Variants in PDE1A observed in about 807,000 individuals in gnomAD.
PDE1A encodes the protein dual specificity calcium/calmodulin-dependent 3',5'-cyclic nucleotide phosphodiesterase 1A.
PDE1A carries 35 observed loss-of-function variants against 61.7 expected under a neutral mutation model. That is an observed-to-expected ratio of 0.57 (90% CI 0.43 to 0.75). The LOEUF is 0.75. PDE1A is among the 30% of genes least tolerant of loss of function. The pLI, the probability that PDE1A is intolerant of heterozygous loss-of-function variation, is 0.00. For synonymous variants in PDE1A, 232 were observed against 213.2 expected (o/e 1.09, Z -0.77); for missense variants, 597 against 630.6 (o/e 0.95, Z 0.57).
At chr2:182,272,598 A>C (rs2125821695) in intron 1 of PDE1A, among the ~76,000 whole-genome samples, 1 of 152,310 alleles carries the variant, frequency 6.6e-6, no homozygotes, top group East Asian at 1.9e-4. Flanking sequence ...AAGACAGGTA[A>C]GTTGGGAAGG....
intron 2 of PDE1A, among the ~76,000 whole-genome samples, chr2:182,497,745 A>C (rs1422495142): frequency 6.6e-6 from 1 of 152,080 alleles, no homozygotes; most frequent in South Asian, 2.1e-4. Flanking sequence ...CCACCCAATT[A>C]AAAGACAGAG....
intron 2 of PDE1A, among the ~76,000 whole-genome samples, chr2:182,449,107 T>A (rs1685342123): frequency 6.9e-6 from 1 of 145,706 alleles, no homozygotes; most frequent in Non-Finnish European, 1.5e-5. Flanking sequence ...AGGAAATCCT[T>A]CTAAATCTTC....
At chr2:182,597,762 A>C in the PDE1A span, among the ~76,000 whole-genome samples, 5 of 152,354 alleles carry the variant, frequency 3.3e-5, no homozygotes, top group African/African-American at 1.2e-4. Context: ...AAATGACGCA[A>C]CCTTCAATAT....
intron 1 of PDE1A, among the ~76,000 whole-genome samples, chr2:182,267,619 T>C (rs1410745201): frequency 6.6e-6 from 1 of 152,188 alleles, no homozygotes; most frequent in Non-Finnish European, 1.5e-5. Context: ...GTAAAAATAT[T>C]ATTTACAACT....
At chr2:182,408,316 C>G (rs73045419) in intron 1 of PDE1A, among the ~76,000 whole-genome samples, 18,569 of 151,956 alleles carry the variant, frequency 0.12, 1,866 homozygotes, top group African/African-American at 0.28. Flanking sequence ...ATGTGGTTTT[C>G]AATCTTGGCT....
At chr2:182,648,757 T>TA in the PDE1A span, among the ~76,000 whole-genome samples, 2 of 151,050 alleles carry the variant, frequency 1.3e-5, no homozygotes, top group African/African-American at 4.9e-5. Context: ...TTGCAATTAA[T>TA]TTAAATAAAC....
chr2:182,313,438 G>T (rs190740337), intron 1 of PDE1A, among the ~76,000 whole-genome samples: 1 of 151,960 alleles, frequency 6.6e-6, no homozygotes, highest in African/African-American at 2.4e-5. Context: ...ATTATTTCCG[G>T]CTTTCTACAT....
chr2:182,432,770 G>T (rs1443677717), intron 2 of PDE1A, among the ~76,000 whole-genome samples: 1 of 151,976 alleles, frequency 6.6e-6, no homozygotes, highest in Admixed American at 6.6e-5. Context: ...CCTTGAGGTG[G>T]CAGGAAAGAA....
intron 1 of PDE1A, among the ~76,000 whole-genome samples, chr2:182,421,583 G>A (rs1335548136): frequency 6.6e-6 from 1 of 152,148 alleles, no homozygotes; most frequent in Admixed American, 6.6e-5. Flanking sequence ...GACTGTGGGT[G>A]AAATAATACC....
chr2:182,150,890 A>G (rs1026890986), intron 13 of PDE1A, among the ~76,000 whole-genome samples: 8 of 152,214 alleles, frequency 5.3e-5, no homozygotes, highest in African/African-American at 1.9e-4. Flanking sequence ...CACCAAACAC[A>G]CTATCAAGTG....
intron 4 of PDE1A, among the ~76,000 whole-genome samples, chr2:182,232,192 C>G (rs902044974): frequency 6.6e-6 from 1 of 152,020 alleles, no homozygotes; most frequent in African/African-American, 2.4e-5. Context: ...TACCCCCTAA[C>G]AGAGAGAGAG....
the PDE1A span, among the ~76,000 whole-genome samples, chr2:182,669,319 G>A: frequency 6.6e-6 from 1 of 152,176 alleles, no homozygotes; most frequent in Admixed American, 6.5e-5. Flanking sequence ...AGGGTCAGGT[G>A]TTGCTTAATT....
intron 8 of PDE1A, among the ~76,000 whole-genome samples, chr2:182,203,439 T>C (rs1049096485): frequency 2.6e-5 from 4 of 152,218 alleles, no homozygotes; most frequent in African/African-American, 9.6e-5. Context: ...TACTTACTTT[T>C]ATTCAAGTAG....
chr2:182,712,461 G>A, the PDE1A span, among the ~76,000 whole-genome samples: 14 of 152,166 alleles, frequency 9.2e-5, no homozygotes, highest in Admixed American at 2.6e-4. Flanking sequence ...GGGAGACAAC[G>A]GGACAAGAAG....
intron 1 of PDE1A, among the ~76,000 whole-genome samples, chr2:182,397,734 T>C (rs987760773): frequency 1.3e-5 from 2 of 152,126 alleles, no homozygotes; most frequent in Non-Finnish European, 2.9e-5. Flanking sequence ...TCTCTTTTAC[T>C]GTATAAACTC....
intron 2 of PDE1A, among the ~76,000 whole-genome samples, chr2:182,508,388 C>A (rs1325125985): frequency 6.7e-6 from 1 of 149,618 alleles, no homozygotes; most frequent in Non-Finnish European, 1.5e-5. Context: ...CTTAGCCAGA[C>A]TAACCAGATA....
upstream of PDE1A, among the ~76,000 whole-genome samples, chr2:182,523,709 A>C (rs574877768): frequency 2.7e-4 from 41 of 152,250 alleles, no homozygotes; most frequent in African/African-American, 9.6e-4. Flanking sequence ...TACCTTTTTA[A>C]ATTCTTACAA....
chr2:182,224,653 T>C (rs1003030538), intron 6 of PDE1A, among the ~76,000 whole-genome samples: 1 of 152,070 alleles, frequency 6.6e-6, no homozygotes, highest in Admixed American at 6.6e-5. Context: ...CATTTAGAAA[T>C]AATTCAATAG....
At chr2:182,338,345 A>C (rs948949211) in intron 1 of PDE1A, among the ~76,000 whole-genome samples, 1 of 152,076 alleles carries the variant, frequency 6.6e-6, no homozygotes, top group Non-Finnish European at 1.5e-5. Context: ...GAGCGTGTAA[A>C]ATGCTTTTAA....
Sources: gnomAD v4.1 joint callset for allele counts (sites outside exome capture counted in the v4.1 genomes callset) on GRCh38, gnomAD v4.1.1 for gene constraint, MANE v1.5 for transcripts, NCBI Gene and HGNC (gene_info 2026-07-23, HGNC 2026-07-21) for gene names.